HYDIN: variants seen among roughly 807,000 people sequenced by gnomAD.
The protein encoded by HYDIN is axonemal central pair apparatus protein HYDIN.
In HYDIN, 132 loss-of-function variants were observed where a neutral mutation model predicts 403.9. The ratio of observed to expected loss-of-function variants is 0.33; its 90% CI spans 0.28 to 0.38. The LOEUF is 0.38. HYDIN is among the 10% of genes least tolerant of loss of function. HYDIN has a pLI of 1.00. For synonymous variants in HYDIN, 1,202 were observed against 1,891.7 expected (o/e 0.64, Z 9.46); for missense variants, 2,827 against 5,009.5 (o/e 0.56, Z 13.15).
chr16:70,974,279 C>T lies in HYDIN; in HGVS notation c.4931G>A (p.Arg1644His), dbSNP rs777623104. 2.5e-5 allele frequency: 40 copies of T among 1,612,264 alleles called. No individual in the cohort carries two copies. The highest frequency in any genetic ancestry group is 1.2e-4 in the South Asian group (11 of 90,680). ...TTCACAATGAGGTAGATTCTTTACA[C>T]GATCTAGCTCAGTACTGAATCCTGG... ...HETGFSTELDRVKNLPHCETE... is the reference protein window; with the variant it reads ...HETGFSTELDHVKNLPHCETE... Residue 1644 changes from arginine to histidine, a missense_variant, in exon 33 of 86, where the codon CGT (arginine) becomes CAT (histidine). Physicochemically the swap from Arg to His is conservative, Grantham distance 29 (BLOSUM62 0). Coordinates refer to ENST00000393567, the MANE Select transcript of HYDIN (RefSeq NM_001270974.2).
intron 9 of HYDIN, among the ~76,000 whole-genome samples, chr16:71,122,728 G>A (rs1012277799): frequency 4.6e-5 from 7 of 151,350 alleles, no homozygotes; most frequent in Non-Finnish European, 1.0e-4. Context: ...CTTAGATGAC[G>A]ACAAAGCATG....
chr16:71,016,191 T>C (rs1278785890), intron 23 of HYDIN, among the ~76,000 whole-genome samples: 1 of 152,150 alleles, frequency 6.6e-6, no homozygotes, highest in Admixed American at 6.5e-5. Flanking sequence ...ATTCAACCTA[T>C]GGAAAGGGAG....
chr16:71,096,398 T>A (rs1474330626), intron 10 of HYDIN, among the ~76,000 whole-genome samples: 1 of 152,240 alleles, frequency 6.6e-6, no homozygotes, highest in Non-Finnish European at 1.5e-5. Flanking sequence ...TGAATAATTG[T>A]CTTTCATCAA....
At chr16:71,011,092 G>GT (rs1281116211) in intron 23 of HYDIN, among the ~76,000 whole-genome samples, 1 of 152,146 alleles carries the variant, frequency 6.6e-6, no homozygotes, top group Non-Finnish European at 1.5e-5. Context: ...AGGAGGACCC[G>GT]TAGGAGGACC....
intron 42 of HYDIN, among the ~76,000 whole-genome samples, chr16:70,943,535 C>T (rs2077746430): frequency 6.6e-6 from 1 of 152,112 alleles, no homozygotes; most frequent in African/African-American, 2.4e-5. Flanking sequence ...AATGGCTCCA[C>T]ATTGTAATTT....
rs199737950 is a variant in HYDIN, at chr16:70,918,353, G to A, written c.7862C>T (p.Pro2621Leu). 6.6e-6 allele frequency: 5 copies of A among 760,160 alleles called. No homozygotes were observed. The highest frequency in any genetic ancestry group is 1.8e-5 in the African/African-American group (1 of 54,964). The allele number at this position is 760,160 out of a possible 1,614,324, so 47.1% of individuals were successfully genotyped here. A position where few individuals can be genotyped will look rare whatever the true frequency, so the allele number is the denominator to read the frequency against. Reference protein sequence around the residue: ...PPALFSIVSYPVKRPPLTMTD... With the variant: ...PPALFSIVSYLVKRPPLTMTD... ...CATGGTCAAAGGTGGCCGCTTCACC[G>A]GGTAGGAGACGATTGAGAATAAGGC... The change falls in exon 47 of 86, where the codon CCG becomes CTG. Residue 2621 changes from proline (P) to leucine (L), a missense_variant. Transcript: ENST00000393567.
At chr16:70,946,877 G>C (rs1597387460) in intron 41 of HYDIN, among the ~76,000 whole-genome samples, 1 of 152,170 alleles carries the variant, frequency 6.6e-6, no homozygotes, top group African/African-American at 2.4e-5. Flanking sequence ...TGTGATTTTT[G>C]TACATTGATT....
intron 1 of HYDIN, among the ~76,000 whole-genome samples, chr16:71,228,628 G>A (rs911007685): frequency 1.3e-5 from 2 of 152,186 alleles, no homozygotes; most frequent in Non-Finnish European, 2.9e-5. Context: ...ACACCAGTTA[G>A]AATGGCGATT....
intron 1 of HYDIN, among the ~76,000 whole-genome samples, chr16:71,201,951 G>A (rs571137584): frequency 6.6e-6 from 1 of 152,332 alleles, no homozygotes; most frequent in Admixed American, 6.5e-5. Context: ...CATCTAGACT[G>A]TAACTTGCAA....
intron 45 of HYDIN, among the ~76,000 whole-genome samples, chr16:70,926,182 T>A (rs1008232396): frequency 2.0e-5 from 3 of 147,560 alleles, no homozygotes; most frequent in African/African-American, 7.4e-5. Context: ...TGCGGCACTA[T>A]TCACAATAGC....
At chr16:71,183,847 G>A (rs1265316101) in intron 3 of HYDIN, among the ~76,000 whole-genome samples, 4 of 152,102 alleles carry the variant, frequency 2.6e-5, no homozygotes, top group Admixed American at 1.3e-4. Flanking sequence ...GAGAGAAAGT[G>A]TAAAGTATCT....
At chr16:71,163,119 C>CTT (rs71272746) in intron 5 of HYDIN, among the ~76,000 whole-genome samples, 223 of 120,714 alleles carry the variant, frequency 1.8e-3, no homozygotes, top group East Asian at 4.0e-3. Flanking sequence ...AATGATGTTT[C>CTT]TTTTTTTTTT....
chr16:70,913,092 C>T (rs1411604369), intron 47 of HYDIN, among the ~76,000 whole-genome samples: 1 of 151,690 alleles, frequency 6.6e-6, no homozygotes, highest in African/African-American at 2.4e-5. Context: ...CTTTTTGTTT[C>T]ATTTATCTTT....
chr16:70,819,515 C>G (rs1597034945), intron 83 of HYDIN, among the ~76,000 whole-genome samples: 1 of 145,174 alleles, frequency 6.9e-6, no homozygotes, highest in East Asian at 2.0e-4. Context: ...CCAGGTTAGA[C>G]TGACTCCAGA....
At position 70,802,279 on chromosome 16, in the gene HYDIN, C is replaced by T. The variant is rs2034909469; in HGVS notation, c.*5301G>A. The T allele has an allele frequency of 6.6e-6, 1 of 152,166 alleles. No individual in the cohort carries two copies. Among genetic ancestry groups the T allele is most frequent in the South Asian group, 2.1e-4 (1 of 4,814 alleles). The allele number at this position is 152,166 out of a possible 1,614,324, so 9.4% of individuals were successfully genotyped here. A position where few individuals can be genotyped will look rare whatever the true frequency, so the allele number is the denominator to read the frequency against. On this transcript the variant is annotated 3_prime_UTR_variant, in exon 86 of 86. Transcript: ENST00000393567. ...GTATTATGCCCTCTTTCAGCGTGAA[C>T]AAGACTTGTAAATATGATGGGCTAT...
chr16:71,100,545 G>A (rs1475835554), intron 10 of HYDIN, among the ~76,000 whole-genome samples: 1 of 152,168 alleles, frequency 6.6e-6, no homozygotes, highest in Admixed American at 6.5e-5. Flanking sequence ...GGCAGAAAGT[G>A]CAAAATGACA....
chr16:70,839,954 C>T, intron 76 of HYDIN, 110 bp downstream of exon 76: 1 of 772,816 alleles, frequency 1.3e-6, no homozygotes, highest in African/African-American at 1.8e-5. Flanking sequence ...TTGACTCTTT[C>T]CCATAATCAT....
intron 1 of HYDIN, among the ~76,000 whole-genome samples, chr16:71,206,488 G>A (rs190945685): frequency 1.2e-4 from 19 of 152,214 alleles, no homozygotes; most frequent in African/African-American, 2.9e-4. Flanking sequence ...GAGAACCAAC[G>A]CAAGAACTCC....
intron 16 of HYDIN, among the ~76,000 whole-genome samples, chr16:71,063,984 C>T (rs1434113374): frequency 7.8e-6 from 1 of 127,406 alleles, no homozygotes; most frequent in South Asian, 2.3e-4. Context: ...CTGTGGCCTC[C>T]ATATTGCTGT....
Sources: gnomAD v4.1 joint callset for allele counts (sites outside exome capture counted in the v4.1 genomes callset) on GRCh38, gnomAD v4.1.1 for gene constraint, MANE v1.5 for transcripts, NCBI Gene and HGNC (gene_info 2026-07-23, HGNC 2026-07-21) for gene names.